The following SMG7 variants were observed in gnomAD, a reference collection of about 807,000 sequenced individuals.
The protein encoded by SMG7 is nonsense-mediated mRNA decay factor SMG7.
In SMG7, 34 loss-of-function variants were observed where a neutral mutation model predicts 148.2. The ratio of observed to expected loss-of-function variants is 0.23; its 90% CI spans 0.17 to 0.31. The LOEUF (loss-of-function observed/expected upper bound fraction) is 0.31. Among genes scored for constraint, SMG7 ranks in the 10% least tolerant of loss-of-function variants. The pLI, the probability that SMG7 is intolerant of heterozygous loss-of-function variation, is 1.00. For synonymous variants in SMG7, 492 were observed against 515.1 expected (o/e 0.96, Z 0.61); for missense variants, 1,114 against 1,408.4 (o/e 0.79, Z 3.35).
chr1:183,488,188 A>G (rs894469589), intron 1 of SMG7, among the ~76,000 whole-genome samples: 2 of 152,232 alleles, frequency 1.3e-5, no homozygotes, highest in African/African-American at 2.4e-5. Flanking sequence ...TGCCTTTCAA[A>G]TGGTGACATG....
chr1:183,552,695 C>T lies in SMG7; in HGVS notation c.*764C>T, dbSNP rs1671250566. ...GTGTGGGTGGTGGTGCTGGGCTGGA[C>T]TAGCAGGTAGACTGCTGTAGGATTT... On this transcript the variant is annotated 3_prime_UTR_variant, in exon 23 of 23. Coordinates refer to ENST00000688051, the MANE Select transcript of SMG7 (RefSeq NM_001375584.1). 2.4e-6 allele frequency: 3 copies of T among 1,225,450 alleles called. No homozygotes were observed. Among genetic ancestry groups the T allele is most frequent in the South Asian group, 2.0e-5 (1 of 50,070 alleles). The allele number at this position is 1,225,450 out of a possible 1,614,324, so 75.9% of individuals were successfully genotyped here. A position where few individuals can be genotyped will look rare whatever the true frequency, so the allele number is the denominator to read the frequency against.
chr1:183,503,421 A>C (rs1389387483), intron 1 of SMG7, among the ~76,000 whole-genome samples: 1 of 151,998 alleles, frequency 6.6e-6, no homozygotes, highest in Non-Finnish European at 1.5e-5. Flanking sequence ...GAGAAAAATA[A>C]AAAAAAATAA....
At chr1:183,539,264 A>G (rs1668357282) in intron 12 of SMG7, among the ~76,000 whole-genome samples, 1 of 152,172 alleles carries the variant, frequency 6.6e-6, no homozygotes, top group African/African-American at 2.4e-5. Context: ...AAATCCAGTG[A>G]CTATAGTCTT....
chr1:183,553,495 C>T lies in SMG7; in HGVS notation c.*1564C>T, dbSNP rs1671375271. ...AGTGTGGAACTTAAGAGCTGGAAGA[C>T]AGCTGTAGAGCAAAGCACATCCAGG... is the stretch of plus-strand genomic sequence containing the variant. On this transcript the variant is annotated 3_prime_UTR_variant, in exon 23 of 23. Coordinates refer to ENST00000688051, the MANE Select transcript of SMG7 (RefSeq NM_001375584.1). 5.8e-6 allele frequency: 2 copies of T among 342,660 alleles called. No individual in the cohort carries two copies. Among genetic ancestry groups the T allele is most frequent in the African/African-American group, 2.1e-5 (1 of 47,530 alleles). The allele number at this position is 342,660 out of a possible 1,614,324, so 21.2% of individuals were successfully genotyped here.
chr1:183,476,711 A>G (rs1415769965), intron 1 of SMG7, among the ~76,000 whole-genome samples: 1 of 152,292 alleles, frequency 6.6e-6, no homozygotes, highest in South Asian at 2.1e-4. Flanking sequence ...TACACTGACA[A>G]GACTTCTAAG....
At chr1:183,529,297 A>T in intron 7 of SMG7, 101 bp from the exon 8 acceptor site, 1 of 1,330,086 alleles carries the variant, frequency 7.5e-7, no homozygotes, top group African/African-American at 1.5e-5. Flanking sequence ...AGTCAAATAC[A>T]GCTCTTTTGT....
At chr1:183,518,582 A>G (rs1571953963) in intron 4 of SMG7, 1 of 152,216 alleles carries the variant, frequency 6.6e-6, no homozygotes, top group Non-Finnish European at 1.5e-5. Context: ...TAAGAAGTAG[A>G]GTAGCTTTTC....
chr1:183,553,061 G>T lies in SMG7; in HGVS notation c.*1130G>T. The T allele has an allele frequency of 1.3e-6, 2 of 1,536,238 alleles. No homozygotes were observed. Among genetic ancestry groups the T allele is most frequent in the South Asian group, 1.2e-5 (1 of 84,068 alleles). ...CAGCAGTATCTGCGTAGCCCACAGA[G>T]GGCCCAGGCCCCTGCCCAGCTGCAG... On this transcript the variant is annotated 3_prime_UTR_variant, in exon 23 of 23. Coordinates refer to ENST00000688051, the MANE Select transcript of SMG7 (RefSeq NM_001375584.1).
In SMG7 at chr1:183,542,393, C is replaced by T. The variant is rs1310265495; in HGVS notation, c.1733C>T (p.Thr578Ile). 4 of 1,613,912 alleles carry T rather than the reference C, an allele frequency of 2.5e-6. No individual in the cohort carries two copies. The highest frequency in any genetic ancestry group is 3.4e-6 in the Non-Finnish European group (4 of 1,179,882). ...EVRRDYSKGITVTKNDGKKDN... is the reference protein window; with the variant it reads ...EVRRDYSKGIIVTKNDGKKDN... ...AGAAGGGACTATAGCAAAGGAATAA[C>T]TGTAACTAAGAATGATGGAAAGAAG... is the stretch of plus-strand genomic sequence containing the variant. Residue 578 changes from threonine (T) to isoleucine (I), a missense_variant, in exon 14 of 23, where the codon ACT becomes ATT. Physicochemically the swap from Thr to Ile is moderately conservative, Grantham distance 89. Coordinates refer to ENST00000688051, the MANE Select transcript of SMG7 (RefSeq NM_001375584.1).
chr1:183,505,774 T>C (rs774455631), intron 1 of SMG7, among the ~76,000 whole-genome samples: 1 of 152,230 alleles, frequency 6.6e-6, no homozygotes, highest in African/African-American at 2.4e-5. Flanking sequence ...AAACTAACAA[T>C]CTGGGAGTGA....
At chr1:183,477,766 A>C (rs529455094) in intron 1 of SMG7, among the ~76,000 whole-genome samples, 9 of 152,070 alleles carry the variant, frequency 5.9e-5, no homozygotes, top group Non-Finnish European at 1.2e-4. Flanking sequence ...GTGTGCATAT[A>C]TACATGTGTG....
chr1:183,514,574 C>G (rs1663037686), intron 2 of SMG7, among the ~76,000 whole-genome samples: 1 of 152,158 alleles, frequency 6.6e-6, no homozygotes, highest in African/African-American at 2.4e-5. Context: ...GCTATCTGTA[C>G]CATTTACCTT....
In SMG7 at chr1:183,533,662, A is replaced by ATT; in HGVS notation, c.1007-6_1007-5dup. ...CATATTTCTTATGCTTTTTGAATAC[A>ATT]TTTTTTTTTCAAGTGTCTTTTCTTG... On this transcript the variant is annotated splice_polypyrimidine_tract_variant and intron_variant, in intron 9 of 22. Coordinates refer to ENST00000688051, the MANE Select transcript of SMG7 (RefSeq NM_001375584.1). 6.4e-7 allele frequency: 1 copy of ATT among 1,569,314 alleles called. No individual in the cohort carries two copies. The highest frequency in any genetic ancestry group is 8.7e-7 in the Non-Finnish European group (1 of 1,150,332).
intron 16 of SMG7, among the ~76,000 whole-genome samples, 183 bp from the exon 17 acceptor site, chr1:183,545,783 G>A (rs768706524): frequency 5.9e-5 from 9 of 152,188 alleles, no homozygotes; most frequent in Non-Finnish European, 1.0e-4. Flanking sequence ...TGAGTGTGGT[G>A]CCCATAATCT....
chr1:183,515,258 T>C (rs1450064871), intron 2 of SMG7, among the ~76,000 whole-genome samples: 1 of 150,372 alleles, frequency 6.7e-6, no homozygotes, highest in Non-Finnish European at 1.5e-5. Flanking sequence ...TGTGGATTGC[T>C]CACAAAAGTA....
In SMG7 at chr1:183,552,946, C is replaced by A. The variant is rs1003156100; in HGVS notation, c.*1015C>A. Reference sequence around the variant, plus strand: ...CTGTATGCTAGTAATTGTTTTTATTCCTAATGTGTGCAACATCACATCTCC... The same window carrying A: ...CTGTATGCTAGTAATTGTTTTTATTACTAATGTGTGCAACATCACATCTCC... On this transcript the variant is annotated 3_prime_UTR_variant, in exon 23 of 23. Coordinates refer to ENST00000688051, the MANE Select transcript of SMG7 (RefSeq NM_001375584.1). 6.5e-7 allele frequency: 1 copy of A among 1,531,990 alleles called. No homozygotes were observed. Among genetic ancestry groups the A allele is most frequent in the Non-Finnish European group, 8.7e-7 (1 of 1,144,098 alleles). The allele number at this position is 1,531,990 out of a possible 1,614,324, so 94.9% of individuals were successfully genotyped here. A position where few individuals can be genotyped will look rare whatever the true frequency, so the allele number is the denominator to read the frequency against.
At chr1:183,507,352 A>G (rs983913248) in intron 1 of SMG7, among the ~76,000 whole-genome samples, 16 of 152,292 alleles carry the variant, frequency 1.1e-4, no homozygotes, top group African/African-American at 3.6e-4. Flanking sequence ...TGAAAGCCCC[A>G]GTTCTATGGG....
intron 1 of SMG7, among the ~76,000 whole-genome samples, chr1:183,497,622 T>A (rs1658805821): frequency 6.6e-6 from 1 of 152,140 alleles, no homozygotes; most frequent in Admixed American, 6.6e-5. Flanking sequence ...CAGGCTGGAG[T>A]GCAGTGGCGC....
intron 1 of SMG7, 44 bp downstream of exon 1, chr1:183,472,693 A>G: frequency 2.1e-6 from 3 of 1,441,996 alleles, no homozygotes; most frequent in Middle Eastern, 2.0e-4. Flanking sequence ...AGCGGGCCGC[A>G]GGTTGGGGCA....
Sources: gnomAD v4.1 joint callset for allele counts (sites outside exome capture counted in the v4.1 genomes callset) on GRCh38, gnomAD v4.1.1 for gene constraint, MANE v1.5 for transcripts, NCBI Gene and HGNC (gene_info 2026-07-23, HGNC 2026-07-21) for gene names.